Variants in NEB observed in about 807,000 individuals in gnomAD.
NEB encodes nemaline myopathy type 2.
Under a neutral mutation model 952.2 loss-of-function variants are expected in NEB, and 512 were observed. The ratio of observed to expected loss-of-function variants is 0.54; its 90% CI spans 0.50 to 0.58. The LOEUF is 0.58. NEB is among the 20% of genes least tolerant of loss of function. The pLI, the probability that NEB is intolerant of heterozygous loss-of-function variation, is 0.00. For missense variants in NEB, 8,428 were observed against 9,231.1 expected, an observed-to-expected ratio of 0.91 and a Z score of 3.56; for synonymous variants, 2,900 against 3,149.8, an observed-to-expected ratio of 0.92 and a Z score of 2.66.
Position 151,679,731 on chromosome 2 carries a change from G to A in NEB, c.3245C>T (p.Ala1082Val), listed in dbSNP as rs752809792. Reference sequence around the variant, plus strand: ...CACAGCTGGACTTACGTCACTCGCCGCCTGCCTGGCAGCTTTGGCAGCTCT... The same window carrying A: ...CACAGCTGGACTTACGTCACTCGCCACCTGCCTGGCAGCTTTGGCAGCTCT... ...PIRAAKAARQ[A>V]ASDVQYKKDY... is the part of the protein sequence containing the mutation. Residue 1082 changes from alanine to valine, a missense_variant, in exon 32 of 182, where the codon GCG becomes GTG. Ala to Val is a moderately conservative substitution (Grantham distance 64). Around this residue, in one of 11 missense-constraint regions of NEB, gnomAD observed 2,851 missense variants for 2,791.5 expected, o/e 1.02. Transcript: ENST00000397345. 6.7e-5 allele frequency: 91 copies of A among 1,350,564 alleles called. No homozygotes were observed. In the Middle Eastern group the frequency reaches 1.0e-3, roughly 15 times the overall value. 83.7% of individuals were successfully genotyped at this position (1,350,564 alleles called of 1,614,324 possible). A position where few individuals can be genotyped will look rare whatever the true frequency, so the allele number is the denominator to read the frequency against.
chr2:151,712,742 T>C (rs1296346533), intron 10 of NEB, among the ~76,000 whole-genome samples: 1 of 152,084 alleles, frequency 6.6e-6, no homozygotes, highest in African/African-American at 2.4e-5. Context: ...GAGAGGTATG[T>C]GTCCATGTGG....
intron 18 of NEB, among the ~76,000 whole-genome samples, chr2:151,694,972 C>A (rs1207678758): frequency 2.0e-5 from 3 of 152,096 alleles, no homozygotes. Context: ...TTCATTTGAC[C>A]TTTAAGTTCT....
chr2:151,682,120 A>C (rs1021461896), intron 29 of NEB, among the ~76,000 whole-genome samples: 1 of 152,214 alleles, frequency 6.6e-6, no homozygotes, highest in Admixed American at 6.5e-5. Context: ...CATGAAGTGA[A>C]AGAAGCCAGA....
At chr2:151,638,610 C>A (rs1383254868) in intron 63 of NEB, among the ~76,000 whole-genome samples, 1 of 152,192 alleles carries the variant, frequency 6.6e-6, no homozygotes, top group Non-Finnish European at 1.5e-5. Context: ...GAGATCAGCT[C>A]CTTGTCACTG....
chr2:151,561,560 A>T (rs1230015576), intron 121 of NEB, among the ~76,000 whole-genome samples: 2 of 147,454 alleles, frequency 1.4e-5, no homozygotes, highest in East Asian at 2.0e-4. Flanking sequence ...CATCCCTGAC[A>T]GCAGCCCCTC....
chr2:151,551,847 T>A lies in NEB; in HGVS notation c.19837-2A>T. 1 of 1,605,586 alleles carries A rather than the reference T, an allele frequency of 6.2e-7. No individual in the cohort carries two copies. Among genetic ancestry groups the A allele is most frequent in the South Asian group, 1.1e-5 (1 of 89,574 alleles). On this transcript the variant is annotated splice_acceptor_variant, in intron 128 of 181. Transcript: ENST00000397345. LOFTEE classifies it high-confidence loss of function. ...CACATAGTCATAGTGGTAGACAGCCTGGTGCAGAAAGAAGCATTGTTAGAA... is the reference window on the plus strand; with the variant it reads ...CACATAGTCATAGTGGTAGACAGCCAGGTGCAGAAAGAAGCATTGTTAGAA...
Position 151,655,329 on chromosome 2 carries a change from C to T in NEB, c.6748G>A (p.Val2250Met), listed in dbSNP as rs372041287. 2 of 1,602,200 alleles carry T rather than the reference C, an allele frequency of 1.2e-6. No homozygotes were observed. The highest frequency in any genetic ancestry group is 1.7e-6 in the Non-Finnish European group (2 of 1,171,974). ...DWNKDKTKIHVMPDTPDILQA... is the reference protein window; with the variant it reads ...DWNKDKTKIHMMPDTPDILQA... ...AAAATATCTGGTGTATCAGGCATCA[C>T]ATGAATCTTGGTCTTATCTTTATTC... Residue 2250 changes from valine (V) to methionine (M), a missense_variant, in exon 51 of 182, where the codon GTG becomes ATG. Val to Met is a conservative substitution (Grantham distance 21). Around this residue, in one of 11 missense-constraint regions of NEB, gnomAD observed 2,851 missense variants for 2,791.5 expected, o/e 1.02. Transcript: ENST00000397345.
chr2:151,622,637 G>A (rs1307896688), intron 71 of NEB, among the ~76,000 whole-genome samples: 2 of 152,042 alleles, frequency 1.3e-5, no homozygotes, highest in Non-Finnish European at 2.9e-5. Context: ...AGAGAAAATT[G>A]TACACATTAT....
At chr2:151,555,113 TA>T in intron 124 of NEB, 69 bp from the exon 125 acceptor site, 1 of 1,129,940 alleles carries the variant, frequency 8.9e-7, no homozygotes. Flanking sequence ...TAAAACAGCA[TA>T]AGACTTAATG....
chr2:151,714,071 C>G (rs2099752864), intron 10 of NEB, among the ~76,000 whole-genome samples: 2 of 152,128 alleles, frequency 1.3e-5, no homozygotes, highest in Non-Finnish European at 2.9e-5. Context: ...AAAGACCAGA[C>G]AGACCCACTA....
intron 107 of NEB, among the ~76,000 whole-genome samples, chr2:151,573,066 T>TA (rs1396721896): frequency 6.6e-6 from 1 of 152,182 alleles, no homozygotes; most frequent in African/African-American, 2.4e-5. Flanking sequence ...TTGTTACCCA[T>TA]AAAATCACAT....
chr2:151,717,036 G>T (rs1002197840), intron 10 of NEB, among the ~76,000 whole-genome samples: 2 of 152,170 alleles, frequency 1.3e-5, no homozygotes, highest in African/African-American at 4.8e-5. Context: ...CAAGTGTGAC[G>T]GATAAGATAG....
At chr2:151,694,773 A>T in intron 18 of NEB, 144 bp from the exon 19 acceptor site, 3 of 689,274 alleles carry the variant, frequency 4.4e-6, no homozygotes, top group African/African-American at 3.6e-5. Flanking sequence ...CATATTTTAA[A>T]TATTTCTTCT....
In NEB at chr2:151,631,185, T is replaced by C. The variant is rs779042130; in HGVS notation, c.9576A>G (p.Leu3192=). 1.2e-6 allele frequency: 2 copies of C among 1,613,944 alleles called. No individual in the cohort carries two copies. The highest frequency in any genetic ancestry group is 1.7e-6 in the Non-Finnish European group (2 of 1,179,832). Residue 3192 remains leucine, a synonymous_variant, in exon 66 of 182, where the codon CTA becomes CTG. Transcript: ENST00000397345. ...KLKFTSVTDS[L]EQVLAKNNAL... ...CATTGTTCTTGGCCAGCACCTGCTC[T>C]AGAGAATCAGTCACACTGGTAAATT... is the stretch of plus-strand genomic sequence containing the variant.
chr2:151,619,817 G>A, intron 72 of NEB, 55 bp from the exon 73 acceptor site: 1 of 1,527,670 alleles, frequency 6.5e-7, no homozygotes, highest in East Asian at 2.3e-5. Context: ...ATTCCCTGTT[G>A]TTCTTTCTGT....
intron 161 of NEB, among the ~76,000 whole-genome samples, chr2:151,509,273 G>A (rs1030099271): frequency 6.6e-6 from 1 of 152,154 alleles, no homozygotes; most frequent in African/African-American, 2.4e-5. Flanking sequence ...ATGAACAAAT[G>A]TTTTGTTCAT....
At chr2:151,621,047 T>A (rs767502480) in intron 71 of NEB, 21 bp from the exon 72 acceptor site, 1 of 1,559,992 alleles carries the variant, frequency 6.4e-7, no homozygotes, top group Non-Finnish European at 8.8e-7. Flanking sequence ...AAGGAGTAGC[T>A]TTTAAATATA....
intron 13 of NEB, among the ~76,000 whole-genome samples, chr2:151,702,463 G>C (rs550995865): frequency 2.0e-5 from 3 of 152,072 alleles, no homozygotes; most frequent in Non-Finnish European, 4.4e-5. Flanking sequence ...GTTGACAGTG[G>C]GGTGTTAAAG....
rs182847302 is a variant in NEB, at chr2:151,553,999, C to T, written c.19455G>A (p.Lys6485=). The T allele has an allele frequency of 4.3e-3, 6,868 of 1,613,752 alleles. 31 individuals are homozygous for T. The highest frequency in any genetic ancestry group is 4.9e-3 in the Admixed American group (296 of 60,018). Residue 6485 remains lysine (K), a synonymous_variant, in exon 126 of 182, where the codon AAG becomes AAA. Coordinates refer to ENST00000397345, the MANE Select transcript of NEB (RefSeq NM_001164508.2). ...GCACGATGTGGATTTTCATCTTGTTCTTTTCATAAACTGATCTGTACAGGC... is the reference window on the plus strand; with the variant it reads ...GCACGATGTGGATTTTCATCTTGTTTTTTTCATAAACTGATCTGTACAGGC... The part of the protein sequence containing the change: ...IDRLYRSVYE[K]NKMKIHIVPD...
Sources: allele counts gnomAD v4.1 joint callset (sites outside exome capture counted in the v4.1 genomes callset), GRCh38; gene constraint gnomAD v4.1.1; regional missense constraint gnomAD v4.1.1; transcripts MANE v1.5; gene names NCBI Gene and HGNC (gene_info 2026-07-23, HGNC 2026-07-21).